XRCC6: variants seen among roughly 807,000 people sequenced by gnomAD.
The protein encoded by XRCC6 is X-ray repair cross complementing 6.
XRCC6 carries 5 observed loss-of-function variants against 65.7 expected under a neutral mutation model. The observed-to-expected ratio is 0.08, with a 90% CI of 0.04 to 0.16. The LOEUF (loss-of-function observed/expected upper bound fraction) is 0.16, where lower values mean the gene tolerates loss of function less well. Among genes scored for constraint, XRCC6 ranks in the 10% least tolerant of loss-of-function variants. XRCC6 has a pLI of 1.00. For missense variants in XRCC6, 447 were observed against 738.1 expected, an observed-to-expected ratio of 0.61 and a Z score of 4.57; for synonymous variants, 270 against 270.6, an observed-to-expected ratio of 1.00 and a Z score of 0.02.
chr22:41,632,684 G>A (rs906115625), intron 3 of XRCC6, among the ~76,000 whole-genome samples: 12 of 152,066 alleles, frequency 7.9e-5, no homozygotes, highest in African/African-American at 2.9e-4. Flanking sequence ...TAAGCTGGGT[G>A]TGGTGGTGTG....
At chr22:41,660,930 A>G (rs1423151297) in intron 11 of XRCC6, among the ~76,000 whole-genome samples, 1 of 151,954 alleles carries the variant, frequency 6.6e-6, no homozygotes, top group African/African-American at 2.4e-5. Flanking sequence ...ACAAATCAAG[A>G]GGCTGAGGCA....
chr22:41,654,626 A>G (rs1324024522), intron 9 of XRCC6, among the ~76,000 whole-genome samples: 1 of 152,202 alleles, frequency 6.6e-6, no homozygotes, highest in Non-Finnish European at 1.5e-5. Flanking sequence ...CCAGCCAGTA[A>G]CTGAACTAAA....
chr22:41,661,051 A>C (rs1271754325), intron 11 of XRCC6, among the ~76,000 whole-genome samples: 1 of 152,130 alleles, frequency 6.6e-6, no homozygotes, highest in Non-Finnish European at 1.5e-5. Flanking sequence ...ATCTAAAAAA[A>C]AAAAAACTGG....
chr22:41,641,025 T>G (rs1569088360), intron 6 of XRCC6, among the ~76,000 whole-genome samples: 1 of 152,134 alleles, frequency 6.6e-6, no homozygotes, highest in Non-Finnish European at 1.5e-5. Flanking sequence ...GGAGGATTGC[T>G]TGAGTCCAGA....
chr22:41,662,057 G>T (rs559036311), intron 12 of XRCC6, among the ~76,000 whole-genome samples: 80 of 152,140 alleles, frequency 5.3e-4, no homozygotes, highest in Non-Finnish European at 9.1e-4. Flanking sequence ...TAGAAGGATG[G>T]TTACCAGAGG....
chr22:41,640,076 C>G (rs1426413463), intron 6 of XRCC6, among the ~76,000 whole-genome samples: 1 of 152,128 alleles, frequency 6.6e-6, no homozygotes, highest in Non-Finnish European at 1.5e-5. Context: ...CTTGCCCAGG[C>G]TGGAGTACAA....
intron 6 of XRCC6, among the ~76,000 whole-genome samples, chr22:41,640,834 A>G (rs2067867795): frequency 1.3e-5 from 2 of 152,134 alleles, no homozygotes; most frequent in South Asian, 4.1e-4. Context: ...ATGGATGGGG[A>G]GGATAGAATA....
chr22:41,661,237 GCT>G (rs1156339931), intron 11 of XRCC6, 92 bp from the exon 12 acceptor site: 1 of 1,047,152 alleles, frequency 9.5e-7, no homozygotes, highest in Non-Finnish European at 1.4e-6. Flanking sequence ...GCAGTTAGGT[GCT>G]CTCTCTTCTG....
Position 41,661,316 on chromosome 22 carries a change from G to C in XRCC6, c.1523-15G>C, listed in dbSNP as rs1569099951. ...GTGACTCACCAGGCCACTCTTCTGT[G>C]TTTTGATTTTCTAGTGCCCAAGGTT... On this transcript the variant is annotated splice_polypyrimidine_tract_variant and intron_variant, in intron 11 of 12. Coordinates refer to ENST00000360079, the MANE Select transcript of XRCC6 (RefSeq NM_001469.5). 1 of 1,610,190 alleles carries C rather than the reference G, an allele frequency of 6.2e-7. No individual in the cohort carries two copies. Among genetic ancestry groups the C allele is most frequent in the Non-Finnish European group, 8.5e-7 (1 of 1,178,576 alleles).
intron 2 of XRCC6, among the ~76,000 whole-genome samples, chr22:41,624,780 G>C (rs1250835349): frequency 6.6e-6 from 1 of 150,502 alleles, no homozygotes; most frequent in Non-Finnish European, 1.5e-5. Context: ...GGTGGCTCAC[G>C]AGGTCAGGAC....
chr22:41,642,417 C>T (rs369101795), intron 6 of XRCC6, among the ~76,000 whole-genome samples: 9 of 152,040 alleles, frequency 5.9e-5, no homozygotes, highest in South Asian at 2.1e-4. Context: ...TTCTCTTTGT[C>T]GATCATTTCC....
At chr22:41,627,095 G>T (rs988991860) in intron 2 of XRCC6, among the ~76,000 whole-genome samples, 1 of 152,146 alleles carries the variant, frequency 6.6e-6, no homozygotes, top group Non-Finnish European at 1.5e-5. Context: ...TTTTTAAAAA[G>T]GCAATCAGCA....
chr22:41,638,284 G>A (rs1043249154), intron 6 of XRCC6, among the ~76,000 whole-genome samples: 6 of 152,102 alleles, frequency 3.9e-5, no homozygotes, highest in Admixed American at 6.6e-5. Context: ...TTAGAATTGC[G>A]TCATTAGGCG....
intron 7 of XRCC6, among the ~76,000 whole-genome samples, chr22:41,649,139 A>AAAAAAATATATATATATAT: frequency 1.1e-5 from 1 of 88,736 alleles, no homozygotes; most frequent in African/African-American, 4.6e-5. Context: ...AAAAAAAAAA[A>AAAAAAATATATATATATAT]ATATATATAT....
chr22:41,650,878 G>A lies in XRCC6; in HGVS notation c.1116G>A (p.Glu372=), dbSNP rs1322120890. The A allele has an allele frequency of 1.2e-6, 2 of 1,614,052 alleles. No homozygotes were observed. Among genetic ancestry groups the A allele is most frequent in the Non-Finnish European group, 1.7e-6 (2 of 1,180,022 alleles). ...CCTCCCTGTTCGTGTACCCAGAGGA[G>A]TCGCTGGTGATTGGTAAGTAGCGTG... ...LRPSLFVYPE[E]SLVIGSSTLF... Residue 372 remains glutamate (E), a synonymous_variant, in exon 8 of 13, where the codon GAG becomes GAA. Transcript: ENST00000360079.
chr22:41,638,081 G>A (rs1190327126), intron 6 of XRCC6, among the ~76,000 whole-genome samples: 1 of 151,884 alleles, frequency 6.6e-6, no homozygotes, highest in African/African-American at 2.4e-5. Context: ...CTGCCTCACT[G>A]TCTTCCTCTA....
At chr22:41,621,961 T>A in intron 1 of XRCC6, 29 bp from the exon 2 acceptor site, 10 of 1,608,436 alleles carry the variant, frequency 6.2e-6, no homozygotes, top group Non-Finnish European at 8.5e-6. Context: ...TAAATTTGCC[T>A]GTTACTGACG....
At chr22:41,654,816 T>C (rs1023388984) in intron 9 of XRCC6, among the ~76,000 whole-genome samples, 6 of 152,176 alleles carry the variant, frequency 3.9e-5, no homozygotes, top group Non-Finnish European at 5.9e-5. Flanking sequence ...TGGAACCAAC[T>C]GCCGCCAGGT....
At chr22:41,647,306 G>A (rs1300532682) in intron 7 of XRCC6, among the ~76,000 whole-genome samples, 1 of 152,050 alleles carries the variant, frequency 6.6e-6, no homozygotes, top group East Asian at 1.9e-4. Context: ...GGATCGACTG[G>A]GCACAGTGGC....
Sources: gnomAD v4.1 joint callset for allele counts (sites outside exome capture counted in the v4.1 genomes callset) on GRCh38, gnomAD v4.1.1 for gene constraint, MANE v1.5 for transcripts, NCBI Gene and HGNC (gene_info 2026-07-23, HGNC 2026-07-21) for gene names.